The following TAFA5 variants were observed in gnomAD, a reference collection of about 807,000 sequenced individuals.
TAFA5 encodes chemokine-like protein TAFA-5.
In TAFA5, 6 loss-of-function variants were observed where a neutral mutation model predicts 15.3. That is an observed-to-expected ratio of 0.39 (90% CI 0.21 to 0.77). The LOEUF (loss-of-function observed/expected upper bound fraction) is 0.77. Among genes scored for constraint, TAFA5 ranks in the 30% least tolerant of loss-of-function variants. The pLI, the probability that TAFA5 is intolerant of heterozygous loss-of-function variation, is 0.41. For synonymous variants in TAFA5, 103 were observed against 80.7 expected (o/e 1.28, Z -1.48); for missense variants, 161 against 193.1 (o/e 0.83, Z 0.98).
At chr22:48,731,585 G>A (rs1232059533) in intron 3 of TAFA5, among the ~76,000 whole-genome samples, 1 of 152,320 alleles carries the variant, frequency 6.6e-6, no homozygotes, top group Admixed American at 6.5e-5. Context: ...GGTCCTTGAA[G>A]AATTAAACAA....
intron 2 of TAFA5, among the ~76,000 whole-genome samples, chr22:48,680,063 C>T (rs942074622): frequency 2.0e-5 from 3 of 152,230 alleles, no homozygotes; most frequent in African/African-American, 7.2e-5. Context: ...AACCGGCACC[C>T]ACCCGTGGTC....
intron 1 of TAFA5, among the ~76,000 whole-genome samples, chr22:48,554,607 C>A (rs1266487337): frequency 2.0e-5 from 3 of 152,202 alleles, no homozygotes; most frequent in Non-Finnish European, 2.9e-5. Flanking sequence ...GAGGTCACAG[C>A]AGCTTCATCA....
intron 1 of TAFA5, among the ~76,000 whole-genome samples, chr22:48,512,589 G>C (rs1921254787): frequency 6.6e-6 from 1 of 151,724 alleles, no homozygotes; most frequent in Admixed American, 6.6e-5. Context: ...TCACACCACT[G>C]CACTCCAGCC....
At chr22:48,613,809 T>C (rs1215846893) in intron 1 of TAFA5, among the ~76,000 whole-genome samples, 2 of 152,298 alleles carry the variant, frequency 1.3e-5, no homozygotes, top group East Asian at 1.9e-4. Flanking sequence ...CGCCATAGAA[T>C]GTGGCCCCCT....
intron 1 of TAFA5, among the ~76,000 whole-genome samples, chr22:48,616,392 T>C (rs1237610997): frequency 2.6e-5 from 4 of 152,226 alleles, no homozygotes; most frequent in Non-Finnish European, 5.9e-5. Flanking sequence ...AGGGTGCTGC[T>C]GGATGAAGTG....
At chr22:48,652,556 G>A (rs935734758) in intron 2 of TAFA5, among the ~76,000 whole-genome samples, 7 of 152,198 alleles carry the variant, frequency 4.6e-5, no homozygotes, top group South Asian at 2.1e-4. Flanking sequence ...CTGGCACCCC[G>A]CACTGGCCAC....
rs975327953 is a variant in TAFA5, at chr22:48,552,605, C to T, written c.112+62901C>T. ...AAATGGATCGATCATCTAGAACCCCCGTCGCAGGGCTCGGAGTTGCGGGCA... is the reference window on the plus strand; with the variant it reads ...AAATGGATCGATCATCTAGAACCCCTGTCGCAGGGCTCGGAGTTGCGGGCA... On this transcript the variant is annotated intron_variant, in intron 1 of 3. Coordinates refer to ENST00000402357, the MANE Select transcript of TAFA5 (RefSeq NM_001082967.3). The surrounding 1 kb of genome is among the most constrained non-coding windows in gnomAD (Gnocchi z 4.1). 3.3e-5 allele frequency among the ~76,000 whole-genome samples: 5 copies of T among 152,280 alleles called. No individual in the cohort carries two copies. The highest frequency in any genetic ancestry group is 3.9e-4 in the East Asian group (2 of 5,176).
At chr22:48,745,249 G>T (rs2207752) in intron 3 of TAFA5, among the ~76,000 whole-genome samples, 103,648 of 147,048 alleles carry the variant, frequency 0.7, 36,757 homozygotes, top group African/African-American at 0.79. Flanking sequence ...GGCTTTGTCG[G>T]CGGCGGCTGG....
intron 1 of TAFA5, among the ~76,000 whole-genome samples, chr22:48,577,765 G>T (rs1379303145): frequency 6.6e-6 from 1 of 152,194 alleles, no homozygotes; most frequent in Admixed American, 6.5e-5. Context: ...TAGTACAGAG[G>T]AGGGCCAGGT....
chr22:48,606,683 T>TCA (rs2147169964), intron 1 of TAFA5, among the ~76,000 whole-genome samples: 1 of 152,382 alleles, frequency 6.6e-6, no homozygotes, highest in South Asian at 2.1e-4. Flanking sequence ...GCTTTGAAAC[T>TCA]GGCGTCTGGG....
intron 1 of TAFA5, among the ~76,000 whole-genome samples, chr22:48,558,009 C>A (rs941259937): frequency 2.6e-5 from 4 of 152,262 alleles, no homozygotes; most frequent in Admixed American, 6.5e-5. Context: ...GGCAGAGGCC[C>A]CAGTCTGAGG....
chr22:48,556,749 T>C (rs1458407811), intron 1 of TAFA5, among the ~76,000 whole-genome samples: 5 of 152,146 alleles, frequency 3.3e-5, no homozygotes, highest in African/African-American at 9.7e-5. Context: ...CCCTCGAGGC[T>C]GTTCTCAGGG....
chr22:48,747,776 A>G (rs1332308050), intron 3 of TAFA5, among the ~76,000 whole-genome samples: 1 of 151,906 alleles, frequency 6.6e-6, no homozygotes, highest in Non-Finnish European at 1.5e-5. Context: ...GCATGCCTGT[A>G]GTCCCAGCTT....
chr22:48,522,044 G>A (rs1921620184), intron 1 of TAFA5, among the ~76,000 whole-genome samples: 2 of 152,260 alleles, frequency 1.3e-5, no homozygotes, highest in Admixed American at 1.3e-4. Context: ...TATTCCTTAG[G>A]ATAGGTATTC....
Position 48,615,440 on chromosome 22 carries a change from C to T in TAFA5, c.113-31157C>T, listed in dbSNP as rs556896772. 1.3e-4 allele frequency among the ~76,000 whole-genome samples: 20 copies of T among 152,282 alleles called. No individual in the cohort carries two copies. The East Asian group carries it at 3.1e-3, about 24-fold the overall frequency. On this transcript the variant is annotated intron_variant, in intron 1 of 3. Coordinates refer to ENST00000402357, the MANE Select transcript of TAFA5 (RefSeq NM_001082967.3). ...CAGGCGTGGCCGAGGACGCTCTGTC[C>T]GTGTTCCTCTCGGATGGGCTTCGCC...
chr22:48,690,960 C>T (rs1048906316), intron 2 of TAFA5, among the ~76,000 whole-genome samples: 1 of 152,030 alleles, frequency 6.6e-6, no homozygotes, highest in Admixed American at 6.6e-5. Flanking sequence ...GTCCAGAGAG[C>T]GCCCACAGCA....
At chr22:48,728,519 C>T (rs745967669) in intron 3 of TAFA5, among the ~76,000 whole-genome samples, 7 of 152,060 alleles carry the variant, frequency 4.6e-5, no homozygotes, top group Non-Finnish European at 8.8e-5. Context: ...TGGATGAATT[C>T]GTATATTAAA....
intron 2 of TAFA5, among the ~76,000 whole-genome samples, chr22:48,679,305 G>C (rs111166643): frequency 3.5e-3 from 29 of 8,388 alleles, no homozygotes; most frequent in Admixed American, 8.8e-3. Flanking sequence ...ATCCCTCTCC[G>C]GGCTCCCCGT....
At chr22:48,525,397 G>A (rs758958852) in intron 1 of TAFA5, among the ~76,000 whole-genome samples, 6 of 152,164 alleles carry the variant, frequency 3.9e-5, no homozygotes, top group East Asian at 3.9e-4. Context: ...ACAGGTGCCC[G>A]CTGCCTGCTC....
Sources: allele counts gnomAD v4.1 joint callset (sites outside exome capture counted in the v4.1 genomes callset), GRCh38; gene constraint gnomAD v4.1.1; non-coding constraint Gnocchi (gnomAD v3.1); transcripts MANE v1.5; gene names NCBI Gene and HGNC (gene_info 2026-07-23, HGNC 2026-07-21).